Variants in NLGN4X observed in about 807,000 individuals in gnomAD.
NLGN4X encodes neuroligin 4 X-linked.
A neutral mutation model predicts 40.3 loss-of-function variants in NLGN4X; 3 were observed. That is an observed-to-expected ratio of 0.07 (90% CI 0.03 to 0.19). NLGN4X has a LOEUF of 0.19. Among genes scored for constraint, NLGN4X ranks in the 10% least tolerant of loss-of-function variants. The pLI is 1.00. For synonymous variants in NLGN4X, 270 were observed against 306.8 expected (o/e 0.88, Z 1.25); for missense variants, 382 against 708.3 (o/e 0.54, Z 5.23).
At chrX:6,038,841 A>G (rs1039124002) in intron 2 of NLGN4X, among the ~76,000 whole-genome samples, 3 of 111,978 alleles carry the variant, frequency 2.7e-5, no homozygotes, top group African/African-American at 9.7e-5. Context: ...TGATGTGGGA[A>G]GAAGCTTTTG....
chrX:6,149,252 A>G lies in NLGN4X; in HGVS notation c.472+1743T>C, dbSNP rs771531262. ...TCAGGGAGGCTATTGATTCTTTTTCATGGGTGGTCTCATTCTGTCCAACTC... is the reference window on the plus strand; with the variant it reads ...TCAGGGAGGCTATTGATTCTTTTTCGTGGGTGGTCTCATTCTGTCCAACTC... On this transcript the variant is annotated intron_variant, in intron 2 of 5. Transcript: ENST00000381095. 2.7e-5 allele frequency among the ~76,000 whole-genome samples: 3 copies of G among 111,773 alleles called. No individual in the cohort carries two copies. The South Asian group carries it at 1.1e-3, about 42-fold the overall frequency.
At chrX:6,210,234 G>C (rs1342751775) in intron 1 of NLGN4X, among the ~76,000 whole-genome samples, 1 of 90,476 alleles carries the variant, frequency 1.1e-5, no homozygotes, top group Non-Finnish European at 2.1e-5. Flanking sequence ...GCGTGCGTGT[G>C]CGCCCGTTTG....
chrX:6,096,696 C>G lies in NLGN4X; in HGVS notation c.472+54299G>C, dbSNP rs780799773. Among the ~76,000 whole-genome samples the G allele has an allele frequency of 6.3e-5, 7 of 111,844 alleles. No individual in the cohort carries two copies. In the South Asian group the frequency reaches 1.5e-3, roughly 24 times the overall value. On this transcript the variant is annotated intron_variant, in intron 2 of 5. Transcript: ENST00000381095. ...TGTTAAAGCCCCATTGTCAGAGACT[C>G]TCATCTGGAGGCCAACATTAAGGAT...
At chrX:6,225,310 A>G (rs1278031132) in intron 1 of NLGN4X, among the ~76,000 whole-genome samples, 1 of 108,627 alleles carries the variant, frequency 9.2e-6, no homozygotes, top group African/African-American at 3.4e-5. Flanking sequence ...TGAGGATTTA[A>G]TGGATTACTG....
chrX:5,956,230 A>C (rs1213418599), intron 3 of NLGN4X, among the ~76,000 whole-genome samples: 1 of 108,488 alleles, frequency 9.2e-6, no homozygotes, highest in Non-Finnish European at 1.9e-5. Flanking sequence ...CATATATATA[A>C]ATATATAATT....
At chrX:5,908,609 T>C (rs1177919430) in intron 4 of NLGN4X, among the ~76,000 whole-genome samples, 2 of 111,792 alleles carry the variant, frequency 1.8e-5, no homozygotes, top group African/African-American at 3.3e-5. Flanking sequence ...ACATTTAAAT[T>C]AGGAGAAAAA....
rs146769360 is a variant in NLGN4X, at chrX:6,093,209, T to C, written c.472+57786A>G. ...CAGAAGACAGTGAAATGTGAAATAA[T>C]GGTCCACCTGGATTTGCATAATAAG... On this transcript the variant is annotated intron_variant, in intron 2 of 5. Transcript: ENST00000381095. Among the ~76,000 whole-genome samples the C allele has an allele frequency of 7.2e-4, 81 of 112,086 alleles. 3 individuals are homozygous for C. In the East Asian group the frequency reaches 0.022, roughly 30 times the overall value.
intron 3 of NLGN4X, among the ~76,000 whole-genome samples, chrX:5,979,678 T>C: frequency 9.2e-6 from 1 of 108,930 alleles, no homozygotes; most frequent in Non-Finnish European, 1.9e-5. Context: ...TTCTGTCCAA[T>C]TGTTATGGGG....
rs36065341 is a variant in NLGN4X at position 6,031,787 on chromosome X, TA to T, written c.473-2356del. ...TACTTTTTTTGTTGCTTCTCCTCTT[TA>T]AAAAAAAAAAAAATCATTTCTTGTG... On this transcript the variant is annotated intron_variant, in intron 2 of 5. Transcript: ENST00000381095. Among the ~76,000 whole-genome samples, 697 of 98,686 alleles carry T rather than the reference TA, an allele frequency of 7.1e-3. 6 individuals carry two copies. The highest frequency in any genetic ancestry group is 0.031 in the East Asian group (97 of 3,113). 85.7% of individuals were successfully genotyped at this position (98,686 alleles called of 115,157 possible). A position where few individuals can be genotyped will look rare whatever the true frequency, so the allele number is the denominator to read the frequency against.
chrX:6,127,162 A>C (rs2039571643), intron 2 of NLGN4X, among the ~76,000 whole-genome samples: 1 of 111,604 alleles, frequency 9.0e-6, no homozygotes, highest in Admixed American at 9.5e-5. Flanking sequence ...TATGACCTCC[A>C]GTTCCCTCCC....
In NLGN4X at chrX:6,124,675, C is replaced by T. The variant is rs115316051; in HGVS notation, c.472+26320G>A. Among the ~76,000 whole-genome samples the T allele has an allele frequency of 2.1e-3, 237 of 111,651 alleles. 2 individuals are homozygous for T. The highest frequency in any genetic ancestry group is 7.2e-3 in the African/African-American group (221 of 30,717). On this transcript the variant is annotated intron_variant, in intron 2 of 5. Coordinates refer to ENST00000381095, the MANE Select transcript of NLGN4X (RefSeq NM_181332.3). ...CCAGCCTGAGCAACAGAGCGAGACT[C>T]TGTCCCTAGCCCCACCCACCAAAAC...
intron 2 of NLGN4X, among the ~76,000 whole-genome samples, chrX:6,068,837 T>A (rs141824189): frequency 4.7e-4 from 52 of 111,577 alleles, no homozygotes; most frequent in Non-Finnish European, 7.9e-4. Flanking sequence ...GAACACTCCA[T>A]TGCAAAAGAA....
At chrX:5,968,508 T>TGTGTGTG (rs2034912564) in intron 3 of NLGN4X, among the ~76,000 whole-genome samples, 8 of 57,821 alleles carry the variant, frequency 1.4e-4, no homozygotes, top group Admixed American at 4.3e-4. Flanking sequence ...TGTGTGTGTG[T>TGTGTGTG]TGGGGTGCTA....
chrX:5,956,201 CAT>C (rs2034491058), intron 3 of NLGN4X, among the ~76,000 whole-genome samples: 1 of 107,140 alleles, frequency 9.3e-6, no homozygotes, highest in Non-Finnish European at 1.9e-5. Flanking sequence ...TATATACACA[CAT>C]ATATATAATA....
intron 2 of NLGN4X, among the ~76,000 whole-genome samples, chrX:6,082,941 A>G (rs2147409769): frequency 1.0e-5 from 1 of 96,207 alleles, no homozygotes; most frequent in Admixed American, 1.2e-4. Flanking sequence ...AGATTTTGCC[A>G]TGATGCGTTT....
In NLGN4X at chrX:6,004,508, T is replaced by C. The variant is rs753698940; in HGVS notation, c.625+24772A>G. Among the ~76,000 whole-genome samples, 18 of 111,837 alleles carry C rather than the reference T, an allele frequency of 1.6e-4. No individual in the cohort carries two copies. The South Asian group carries it at 6.5e-3, about 40-fold the overall frequency. On this transcript the variant is annotated intron_variant, in intron 3 of 5. Transcript: ENST00000381095. ...CACAAACATCAATATGTTAAGCACA[T>C]CATCTATTCACAGAAATAGTACAAG...
At chrX:5,912,553 T>C (rs1026326968) in intron 3 of NLGN4X, among the ~76,000 whole-genome samples, 4 of 110,906 alleles carry the variant, frequency 3.6e-5, no homozygotes, top group Non-Finnish European at 7.5e-5. Context: ...GATGAATCTG[T>C]TGGGAGGTTA....
At chrX:5,989,089 A>T (rs1046768272) in intron 3 of NLGN4X, among the ~76,000 whole-genome samples, 15 of 94,215 alleles carry the variant, frequency 1.6e-4, no homozygotes, top group Admixed American at 1.3e-3. Context: ...AAAAATAAAA[A>T]AAATAAAAAA....
chrX:5,927,270 A>T (rs973220805), intron 3 of NLGN4X, among the ~76,000 whole-genome samples: 3 of 111,801 alleles, frequency 2.7e-5, no homozygotes, highest in Admixed American at 1.9e-4. Flanking sequence ...TGGCCTTGGA[A>T]TAGTTTCAGG....
Sources: gnomAD v4.1 joint callset for allele counts (sites outside exome capture counted in the v4.1 genomes callset) on GRCh38, gnomAD v4.1.1 for gene constraint, MANE v1.5 for transcripts, NCBI Gene and HGNC (gene_info 2026-07-23, HGNC 2026-07-21) for gene names.